The following FOXO3 variants were observed in gnomAD, a reference collection of about 807,000 sequenced individuals.
The protein encoded by FOXO3 is forkhead box O3, also known as forkhead box protein O3.
In FOXO3, 4 loss-of-function variants were observed where a neutral mutation model predicts 41.9. The observed-to-expected ratio is 0.10, with a 90% CI of 0.05 to 0.22. FOXO3 has a LOEUF of 0.22. Ranked by LOEUF, FOXO3 falls within the 10% of genes least tolerant of loss-of-function variation. FOXO3 has a pLI of 1.00. For synonymous variants in FOXO3, 318 were observed against 389.3 expected (o/e 0.82, Z 2.16); for missense variants, 534 against 906.8 (o/e 0.59, Z 5.28).
chr6:108,626,924 C>T (rs914376169), intron 1 of FOXO3, among the ~76,000 whole-genome samples: 7 of 152,160 alleles, frequency 4.6e-5, no homozygotes, highest in Admixed American at 6.5e-5. Context: ...AGCTAAAGGG[C>T]TTGTTTTTTA....
chr6:108,644,121 C>T (rs528728212), intron 1 of FOXO3, among the ~76,000 whole-genome samples: 1 of 152,304 alleles, frequency 6.6e-6, no homozygotes, highest in East Asian at 1.9e-4. Context: ...TGTTCCCTCT[C>T]CCTCTCTGAG....
intron 1 of FOXO3, among the ~76,000 whole-genome samples, chr6:108,578,536 A>G (rs1040483701): frequency 2.0e-5 from 3 of 152,238 alleles, no homozygotes; most frequent in Admixed American, 6.5e-5. Flanking sequence ...ACAGCAATAA[A>G]GGATCCACTC....
At position 108,661,114 on chromosome 6, in the gene FOXO3, C is replaced by T. The variant is rs1778835738; in HGVS notation, c.622-2341C>T. On this transcript the variant is annotated intron_variant, in intron 1 of 2. Transcript: ENST00000406360. ...AAAATTAGCCAGGTGTGGTGGCACG[C>T]ACCTGTAACCCCAGCTACTCGGGAG... is the stretch of plus-strand genomic sequence containing the variant. Among the ~76,000 whole-genome samples, 3 of 151,258 alleles carry T rather than the reference C, an allele frequency of 2.0e-5. No homozygotes were observed. The South Asian group carries it at 6.3e-4, about 32-fold the overall frequency.
intron 1 of FOXO3, among the ~76,000 whole-genome samples, chr6:108,570,950 T>C (rs561568724): frequency 6.6e-6 from 1 of 152,324 alleles, no homozygotes; most frequent in South Asian, 2.1e-4. Context: ...TCCTAGATCA[T>C]TAAATGAGAG....
At chr6:108,575,960 T>C (rs1776249830) in intron 1 of FOXO3, among the ~76,000 whole-genome samples, 1 of 152,214 alleles carries the variant, frequency 6.6e-6, no homozygotes, top group Admixed American at 6.5e-5. Flanking sequence ...AAGCCTGGAA[T>C]TGACTTACGA....
At chr6:108,654,362 G>A (rs1307144188) in intron 1 of FOXO3, among the ~76,000 whole-genome samples, 1 of 152,166 alleles carries the variant, frequency 6.6e-6, no homozygotes, top group Non-Finnish European at 1.5e-5. Context: ...ACAGAACCGT[G>A]TGTGGAGTAT....
At position 108,593,578 on chromosome 6, in the gene FOXO3, A is replaced by G. The variant is rs144774777; in HGVS notation, c.621+31749A>G. Reference sequence around the variant, plus strand: ...TTTGTAGTAGAGATGGGGTTTCACCATGTTGGCCAGGTTGGTCTCTAACTC... The same window carrying G: ...TTTGTAGTAGAGATGGGGTTTCACCGTGTTGGCCAGGTTGGTCTCTAACTC... On this transcript the variant is annotated intron_variant, in intron 1 of 2. Coordinates refer to ENST00000406360, the MANE Select transcript of FOXO3 (RefSeq NM_001455.4). Among the ~76,000 whole-genome samples, 634 of 151,756 alleles carry G rather than the reference A, an allele frequency of 4.2e-3. 3 individuals are homozygous for G. The highest frequency in any genetic ancestry group is 6.5e-3 in the Non-Finnish European group (442 of 67,916).
At chr6:108,657,119 C>G (rs1778710045) in intron 1 of FOXO3, among the ~76,000 whole-genome samples, 2 of 152,154 alleles carry the variant, frequency 1.3e-5, no homozygotes, top group African/African-American at 2.4e-5. Context: ...GCAGGGCTTC[C>G]TTCAGTGTAA....
intron 1 of FOXO3, among the ~76,000 whole-genome samples, chr6:108,605,409 G>A (rs917816670): frequency 7.0e-6 from 1 of 143,090 alleles, no homozygotes; most frequent in African/African-American, 2.5e-5. Context: ...GAGCCACCGC[G>A]CCCAGTCCTA....
intron 1 of FOXO3, among the ~76,000 whole-genome samples, chr6:108,643,615 A>G (rs1778319635): frequency 6.6e-6 from 1 of 152,166 alleles, no homozygotes; most frequent in Admixed American, 6.6e-5. Flanking sequence ...CAACCCAACA[A>G]TTTCTTCTCT....
chr6:108,641,066 C>G (rs767022830), intron 1 of FOXO3, among the ~76,000 whole-genome samples: 1 of 152,026 alleles, frequency 6.6e-6, no homozygotes, highest in African/African-American at 2.4e-5. Flanking sequence ...CACCCCACTA[C>G]GCCCGGCTAA....
chr6:108,585,022 CTTTTTTTTTTTTTTT>C (rs1159028928), intron 1 of FOXO3, among the ~76,000 whole-genome samples: 8 of 51,522 alleles, frequency 1.6e-4, no homozygotes, highest in African/African-American at 5.8e-4. Context: ...TCTCCAAAAT[CTTTTTTTTTTTTTTT>C]TTTTTTTTTT....
chr6:108,607,055 C>G (rs1335277828), intron 1 of FOXO3, among the ~76,000 whole-genome samples: 1 of 152,308 alleles, frequency 6.6e-6, no homozygotes, highest in East Asian at 1.9e-4. Flanking sequence ...ATTTAGAACT[C>G]ATAGACTTTT....
upstream of FOXO3, among the ~76,000 whole-genome samples, chr6:108,560,486 C>T (rs904316027): frequency 6.6e-6 from 1 of 152,186 alleles, no homozygotes; most frequent in South Asian, 2.1e-4. Context: ...GCCCAGACCC[C>T]CGTTCGCCCT....
At position 108,663,520 on chromosome 6, in the gene FOXO3, C is replaced by G; in HGVS notation, c.687C>G (p.Gly229=). The change falls in exon 2 of 3, where the codon GGC becomes GGG. Residue 229 remains glycine, a synonymous_variant. Coordinates refer to ENST00000406360, the MANE Select transcript of FOXO3 (RefSeq NM_001455.4). The part of the protein sequence containing the change: ...RFMRVQNEGT[G]KSSWWIINPD... ...TGCGGGTCCAGAATGAGGGAACTGG[C>G]AAGAGCTCTTGGTGGATCATCAACC... 1.2e-6 allele frequency: 2 copies of G among 1,612,038 alleles called. No individual in the cohort carries two copies.
intron 2 of FOXO3, among the ~76,000 whole-genome samples, chr6:108,671,000 G>C (rs932292928): frequency 2.0e-5 from 3 of 152,232 alleles, no homozygotes; most frequent in Admixed American, 2.0e-4. Flanking sequence ...CTTAAAGAAT[G>C]CGTGGCCTAG....
chr6:108,650,274 C>T (rs910666288), intron 1 of FOXO3, among the ~76,000 whole-genome samples: 1 of 152,080 alleles, frequency 6.6e-6, no homozygotes, highest in Non-Finnish European at 1.5e-5. Flanking sequence ...GAGGAGTGGG[C>T]TCACCCTCCA....
At chr6:108,612,713 CCTTT>C (rs1777398121) in intron 1 of FOXO3, among the ~76,000 whole-genome samples, 1 of 151,918 alleles carries the variant, frequency 6.6e-6, no homozygotes, top group African/African-American at 2.4e-5. Flanking sequence ...TTTTTTTCTT[CCTTT>C]CTAATATATA....
chr6:108,645,537 G>A (rs1185339515), intron 1 of FOXO3, among the ~76,000 whole-genome samples: 1 of 150,128 alleles, frequency 6.7e-6, no homozygotes, highest in Non-Finnish European at 1.5e-5. Flanking sequence ...TAGCCTCTTA[G>A]CTATAAATGT....
Sources: gnomAD v4.1 joint callset for allele counts (sites outside exome capture counted in the v4.1 genomes callset) on GRCh38, gnomAD v4.1.1 for gene constraint, MANE v1.5 for transcripts, NCBI Gene and HGNC (gene_info 2026-07-23, HGNC 2026-07-21) for gene names.